The following WDR72 variants were observed in gnomAD, a reference collection of about 807,000 sequenced individuals.
WDR72 encodes the protein WD repeat domain 72, also known as WD repeat-containing protein 72.
A neutral mutation model predicts 124.2 loss-of-function variants in WDR72; 120 were observed. The observed-to-expected ratio is 0.97, with a 90% CI of 0.83 to 1.12. The LOEUF is 1.12. Ranked by LOEUF, WDR72 falls within the 50% of genes most tolerant of loss-of-function variation. WDR72 has a pLI of 0.00. For missense variants in WDR72, 1,387 were observed against 1,278.8 expected (o/e 1.08, Z -1.29); for synonymous variants, 452 against 441.7 (o/e 1.02, Z -0.29).
intron 14 of WDR72, among the ~76,000 whole-genome samples, chr15:53,641,776 GT>G (rs1320923220): frequency 4.6e-5 from 7 of 151,566 alleles, no homozygotes; most frequent in Admixed American, 6.6e-5. Context: ...TCTAATTGGT[GT>G]TTTTTTATAT....
chr15:53,566,437 A>C (rs1010951625), intron 18 of WDR72, among the ~76,000 whole-genome samples: 2 of 152,028 alleles, frequency 1.3e-5, no homozygotes, highest in African/African-American at 4.8e-5. Flanking sequence ...TTATCCGTCG[A>C]GACTGGGAAT....
chr15:53,727,207 G>C (rs994531316), intron 2 of WDR72, among the ~76,000 whole-genome samples: 4 of 125,150 alleles, frequency 3.2e-5, no homozygotes, highest in Non-Finnish European at 6.3e-5. Context: ...CAGCCTGGGT[G>C]ACAGAGTAAG....
At chr15:53,710,978 A>T (rs1243947858) in intron 8 of WDR72, 25 bp from the exon 9 acceptor site, 2 of 1,595,482 alleles carry the variant, frequency 1.3e-6, no homozygotes, top group African/African-American at 2.7e-5. Context: ...TAAAAAGCAA[A>T]GTTTAGAACT....
intron 9 of WDR72, among the ~76,000 whole-genome samples, chr15:53,708,696 A>G (rs879259951): frequency 2.0e-5 from 3 of 152,202 alleles, no homozygotes; most frequent in Admixed American, 6.5e-5. Context: ...CATCACCATC[A>G]TCATCATCAC....
At chr15:53,649,552 A>G (rs1459741946) in intron 14 of WDR72, among the ~76,000 whole-genome samples, 4 of 152,236 alleles carry the variant, frequency 2.6e-5, no homozygotes, top group Non-Finnish European at 4.4e-5. Context: ...AATTGCTCCC[A>G]AAAGTCCAAG....
intron 18 of WDR72, among the ~76,000 whole-genome samples, chr15:53,593,239 A>C (rs955504776): frequency 1.3e-5 from 2 of 152,110 alleles, no homozygotes; most frequent in African/African-American, 4.8e-5. Flanking sequence ...AAAGAATAAA[A>C]ATCTAAGAAA....
intron 18 of WDR72, among the ~76,000 whole-genome samples, chr15:53,569,777 T>C (rs1894441784): frequency 6.6e-6 from 1 of 152,038 alleles, no homozygotes; most frequent in Non-Finnish European, 1.5e-5. Context: ...AGAATGTCAG[T>C]ATGGGAGGGA....
chr15:53,517,553 A>T lies in WDR72; in HGVS notation c.*146T>A. The T allele has an allele frequency of 1.3e-6, 1 of 788,426 alleles. No individual in the cohort carries two copies. Among genetic ancestry groups the T allele is most frequent in the Non-Finnish European group, 2.2e-6 (1 of 452,284 alleles). 48.8% of individuals were successfully genotyped at this position (788,426 alleles called of 1,614,324 possible). A position where few individuals can be genotyped will look rare whatever the true frequency, so the allele number is the denominator to read the frequency against. ...AATCAGCATGTATTAAAATCACTTT[A>T]ATACATGTTGGCTAAAGTATTAGCA... On this transcript the variant is annotated 3_prime_UTR_variant, in exon 20 of 20. Transcript: ENST00000360509.
intron 1 of WDR72, 37 bp from the exon 2 acceptor site, chr15:53,733,198 T>C: frequency 6.2e-7 from 1 of 1,610,152 alleles, no homozygotes; most frequent in Non-Finnish European, 8.5e-7. Context: ...TACATGGTCA[T>C]CTTTTTGAAA....
chr15:53,647,222 C>T (rs1267133170), intron 14 of WDR72, among the ~76,000 whole-genome samples: 3 of 151,976 alleles, frequency 2.0e-5, no homozygotes, highest in Non-Finnish European at 2.9e-5. Flanking sequence ...ACACCAAATT[C>T]TGAATTATAG....
At chr15:53,613,467 C>G (rs2013628594) in intron 16 of WDR72, among the ~76,000 whole-genome samples, 199 bp downstream of exon 16, 1 of 152,008 alleles carries the variant, frequency 6.6e-6, no homozygotes, top group African/African-American at 2.4e-5. Context: ...ACCTTATTTT[C>G]TAAATGAAGA....
chr15:53,716,183 TA>T (rs1445996562), intron 4 of WDR72, among the ~76,000 whole-genome samples: 2 of 152,166 alleles, frequency 1.3e-5, no homozygotes, highest in South Asian at 4.1e-4. Context: ...GAAGTGATTA[TA>T]AAAGTTATAT....
chr15:53,737,164 CTGGT>C (rs1312367447), intron 1 of WDR72, among the ~76,000 whole-genome samples: 3 of 152,070 alleles, frequency 2.0e-5, no homozygotes, highest in Non-Finnish European at 4.4e-5. Context: ...TATTGGGAAA[CTGGT>C]TGATTCCAGG....
At chr15:53,602,909 A>G (rs779082691) in intron 17 of WDR72, among the ~76,000 whole-genome samples, 1 of 152,154 alleles carries the variant, frequency 6.6e-6, no homozygotes, top group Non-Finnish European at 1.5e-5. Flanking sequence ...TGAGATATAC[A>G]AAGAAGAGCT....
In WDR72 at chr15:53,590,464, C is replaced by T. The variant is rs536267506; in HGVS notation, c.3148+6615G>A. The stretch of plus-strand genomic sequence containing the variant: ...TCCAATATCTGTTAATTGATTTCTT[C>T]TAGAGAATCTTTTTTTTCTGTTGTT... On this transcript the variant is annotated intron_variant, in intron 18 of 19. Coordinates refer to ENST00000360509, the MANE Select transcript of WDR72 (RefSeq NM_182758.4). Among the ~76,000 whole-genome samples, 70 of 152,114 alleles carry T rather than the reference C, an allele frequency of 4.6e-4. 1 individual carries two copies. Among genetic ancestry groups the T allele is most frequent in the African/African-American group, 1.5e-3 (62 of 41,538 alleles).
chr15:53,566,629 G>A (rs911844045), intron 18 of WDR72, among the ~76,000 whole-genome samples: 4 of 151,822 alleles, frequency 2.6e-5, no homozygotes, highest in African/African-American at 9.7e-5. Flanking sequence ...CATCTACGGA[G>A]CAACATTTAA....
intron 3 of WDR72, among the ~76,000 whole-genome samples, chr15:53,722,015 T>A (rs1031065124): frequency 1.3e-5 from 2 of 148,848 alleles, no homozygotes; most frequent in South Asian, 4.3e-4. Flanking sequence ...CTGTGAGATT[T>A]ATTTATTTAT....
At chr15:53,697,340 T>C (rs2017033199) in intron 13 of WDR72, among the ~76,000 whole-genome samples, 1 of 152,178 alleles carries the variant, frequency 6.6e-6, no homozygotes. Flanking sequence ...CCTTCCTCTC[T>C]CACTTTCAGT....
chr15:53,570,892 T>C (rs923870095), intron 18 of WDR72, among the ~76,000 whole-genome samples: 1 of 152,160 alleles, frequency 6.6e-6, no homozygotes, highest in African/African-American at 2.4e-5. Flanking sequence ...GGGAATACTA[T>C]GCAACCATAA....
Sources: allele counts gnomAD v4.1 joint callset (sites outside exome capture counted in the v4.1 genomes callset), GRCh38; gene constraint gnomAD v4.1.1; transcripts MANE v1.5; gene names NCBI Gene and HGNC (gene_info 2026-07-23, HGNC 2026-07-21).